UTRN: variants seen among roughly 807,000 people sequenced by gnomAD.
The protein encoded by UTRN is utrophin.
A neutral mutation model predicts 463.9 loss-of-function variants in UTRN; 283 were observed. That is an observed-to-expected ratio of 0.61 (90% confidence interval 0.55 to 0.67). The LOEUF (loss-of-function observed/expected upper bound fraction) is 0.67. Among genes scored for constraint, UTRN ranks in the 30% least tolerant of loss-of-function variants. UTRN has a pLI of 0.00. For missense variants in UTRN, 3,922 were observed against 4,084.3 expected, an observed-to-expected ratio of 0.96 and a Z score of 1.08; for synonymous variants, 1,442 against 1,431.5, an observed-to-expected ratio of 1.01 and a Z score of -0.17.
chr6:144,544,982 A>G (rs1397385691), intron 46 of UTRN, among the ~76,000 whole-genome samples: 1 of 152,030 alleles, frequency 6.6e-6, no homozygotes, highest in Non-Finnish European at 1.5e-5. Context: ...ATAACATTGG[A>G]TATACTACAA....
chr6:144,577,334 G>A (rs762899390), intron 51 of UTRN, 46 bp downstream of exon 51: 2 of 1,585,196 alleles, frequency 1.3e-6, no homozygotes, highest in Admixed American at 1.7e-5. Flanking sequence ...TGCCCTGTGT[G>A]CTTTTGATCC....
intron 43 of UTRN, 103 bp from the exon 44 acceptor site, chr6:144,537,479 T>G: frequency 1.4e-6 from 1 of 709,210 alleles, no homozygotes; most frequent in Non-Finnish European, 2.0e-6. Context: ...TAGAAATTAT[T>G]TATTTTGGGA....
intron 51 of UTRN, among the ~76,000 whole-genome samples, chr6:144,669,299 T>G (rs1780747632): frequency 1.3e-5 from 2 of 152,240 alleles, no homozygotes; most frequent in Non-Finnish European, 2.9e-5. Context: ...AGATGAAAAC[T>G]AAACTTATCT....
chr6:144,764,617 A>G (rs892999476), intron 58 of UTRN, among the ~76,000 whole-genome samples: 1 of 152,180 alleles, frequency 6.6e-6, no homozygotes, highest in Admixed American at 6.5e-5. Flanking sequence ...AGATATCTAT[A>G]CTTTATAAAG....
rs531889227 is a variant in UTRN at position 144,409,031 on chromosome 6, A to G, written c.141+5847A>G. On this transcript the variant is annotated intron_variant, in intron 3 of 74. Coordinates refer to ENST00000367545, the MANE Select transcript of UTRN (RefSeq NM_007124.3). The stretch of plus-strand genomic sequence containing the variant: ...CTCAACTGATTGTTTTAGGAGCCAT[A>G]CACATTCAAGTGGTTCCTTAAAAAG... Among the ~76,000 whole-genome samples, 6 of 152,346 alleles carry G rather than the reference A, an allele frequency of 3.9e-5. No homozygotes were observed. The South Asian group carries it at 1.2e-3, about 32-fold the overall frequency.
Position 144,700,127 on chromosome 6 carries a change from C to G in UTRN, c.7693C>G (p.Leu2565Val). 2 of 1,612,834 alleles carry G rather than the reference C, an allele frequency of 1.2e-6. No homozygotes were observed. The highest frequency in any genetic ancestry group is 4.5e-5 in the East Asian group (2 of 44,856). The change falls in exon 53 of 75, where the codon CTG becomes GTG. Residue 2565 changes from leucine to valine, a missense_variant. Physicochemically the swap from Leu to Val is conservative, Grantham distance 32. Transcript: ENST00000367545. ...EASAEKWNRL[L>V]MSLEELIKWL... ...CAGCGCTGAGAAGTGGAACAGGTTG[C>G]TGATGTCCTTAGAAGAACTGATCAA...
chr6:144,693,231 G>A (rs902375479), intron 52 of UTRN, among the ~76,000 whole-genome samples: 2 of 152,026 alleles, frequency 1.3e-5, no homozygotes, highest in Non-Finnish European at 2.9e-5. Flanking sequence ...TGAGTTCTCT[G>A]TTCTGTTCCA....
At chr6:144,337,843 G>A (rs963629287) in intron 2 of UTRN, among the ~76,000 whole-genome samples, 4 of 152,158 alleles carry the variant, frequency 2.6e-5, no homozygotes, top group African/African-American at 9.7e-5. Flanking sequence ...TCGAACTCCT[G>A]ACCTCAGGTG....
At chr6:144,451,887 T>C (rs1788357469) in intron 18 of UTRN, among the ~76,000 whole-genome samples, 1 of 152,230 alleles carries the variant, frequency 6.6e-6, no homozygotes, top group Non-Finnish European at 1.5e-5. Flanking sequence ...TCAAAAAGTG[T>C]ATTCAATATA....
intron 47 of UTRN, 127 bp downstream of exon 47, chr6:144,548,981 A>G: frequency 1.1e-6 from 1 of 936,978 alleles, no homozygotes. Flanking sequence ...TGTATCTGTC[A>G]AACAACCATT....
chr6:144,483,211 T>G (rs1792069787), intron 27 of UTRN, among the ~76,000 whole-genome samples: 1 of 152,238 alleles, frequency 6.6e-6, no homozygotes, highest in African/African-American at 2.4e-5. Flanking sequence ...ACCAATTTTG[T>G]GCTAAGATAA....
chr6:144,394,519 G>A (rs867799220), intron 2 of UTRN, among the ~76,000 whole-genome samples: 1 of 152,028 alleles, frequency 6.6e-6, no homozygotes, highest in African/African-American at 2.4e-5. Context: ...ATTTGTGTGA[G>A]GACACAGACA....
intron 53 of UTRN, among the ~76,000 whole-genome samples, chr6:144,712,479 T>C (rs13204138): frequency 0.063 from 9,657 of 152,278 alleles, 335 homozygotes; most frequent in African/African-American, 0.073. Context: ...ATGAACCCTT[T>C]TGCAAAACAA....
At chr6:144,555,044 G>A in intron 49 of UTRN, 151 bp downstream of exon 49, 1 of 1,056,274 alleles carries the variant, frequency 9.5e-7, no homozygotes, top group Non-Finnish European at 1.3e-6. Flanking sequence ...AATTTGATCT[G>A]GAAGATTTTT....
intron 61 of UTRN, 30 bp downstream of exon 61, chr6:144,782,153 C>T (rs370722213): frequency 1.8e-5 from 27 of 1,513,594 alleles, no homozygotes; most frequent in Middle Eastern, 1.7e-4. Context: ...CATTAAAATA[C>T]GATCACTGAA....
At position 144,820,985 on chromosome 6, in the gene UTRN, T is replaced by A; in HGVS notation, c.9461T>A (p.Val3154Asp). Residue 3154 changes from valine (V) to aspartate (D), a missense_variant, in exon 66 of 75, where the codon GTC (valine) becomes GAC (aspartate). Physicochemically the swap from Val to Asp is radical, Grantham distance 152. Coordinates refer to ENST00000367545, the MANE Select transcript of UTRN (RefSeq NM_007124.3). ...AKHPRLGYLPVQTVLEGDNLE... is the reference protein window; with the variant it reads ...AKHPRLGYLPDQTVLEGDNLE... ...CACCCTCGACTTGGTTACCTGCCTG[T>A]CCAGACAGTTCTTGAAGGTGACAAC... 6.2e-7 allele frequency: 1 copy of A among 1,613,914 alleles called. No individual in the cohort carries two copies. Among genetic ancestry groups the A allele is most frequent in the Non-Finnish European group, 8.5e-7 (1 of 1,179,860 alleles).
intron 54 of UTRN, among the ~76,000 whole-genome samples, chr6:144,740,241 A>G (rs1789899068): frequency 1.3e-5 from 2 of 152,222 alleles, no homozygotes; most frequent in Non-Finnish European, 2.9e-5. Flanking sequence ...ATTTGTAGCT[A>G]TTCAATAGAA....
At chr6:144,835,549 G>A (rs2128760206) in intron 69 of UTRN, among the ~76,000 whole-genome samples, 1 of 152,264 alleles carries the variant, frequency 6.6e-6, no homozygotes, top group East Asian at 1.9e-4. Flanking sequence ...AAGTTTATGA[G>A]ATAGAGCTGT....
chr6:144,773,607 G>C (rs1347414110), intron 59 of UTRN, among the ~76,000 whole-genome samples: 1 of 152,202 alleles, frequency 6.6e-6, no homozygotes, highest in Non-Finnish European at 1.5e-5. Flanking sequence ...AGAAAACAGG[G>C]AAAAGTGTCT....
Sources: allele counts gnomAD v4.1 joint callset (sites outside exome capture counted in the v4.1 genomes callset), GRCh38; gene constraint gnomAD v4.1.1; transcripts MANE v1.5; gene names NCBI Gene and HGNC (gene_info 2026-07-23, HGNC 2026-07-21).